Variants in SULF2 observed in about 807,000 individuals in gnomAD.
The protein encoded by SULF2 is sulfatase 2, also known as extracellular sulfatase Sulf-2.
SULF2 carries 52 observed loss-of-function variants against 107.7 expected under a neutral mutation model. That is an observed-to-expected ratio of 0.48 (90% confidence interval 0.39 to 0.61). The LOEUF is 0.61. Ranked by LOEUF, SULF2 falls within the 20% of genes least tolerant of loss-of-function variation. SULF2 has a pLI of 0.00. For synonymous variants in SULF2, 460 were observed against 464.3 expected (o/e 0.99, Z 0.12); for missense variants, 993 against 1,177.3 (o/e 0.84, Z 2.29).
At chr20:47,759,628 G>A (rs2090373316) in intron 1 of SULF2, among the ~76,000 whole-genome samples, 2 of 152,212 alleles carry the variant, frequency 1.3e-5, no homozygotes, top group Non-Finnish European at 2.9e-5. Context: ...GGAAATGGAG[G>A]TTGCAGTGAG....
In SULF2 at chr20:47,663,818, C is replaced by CT. The variant is rs1198858585; in HGVS notation, c.2058-197dup. 2.0e-5 allele frequency among the ~76,000 whole-genome samples: 3 copies of CT among 152,348 alleles called. No homozygotes were observed. In the East Asian group the frequency reaches 5.8e-4, roughly 30 times the overall value. Reference sequence around the variant, plus strand: ...CCAGAACCTGGGTCTTGTCATTCTACTTTAACTCCCAAGGGGGCACAAGCT... The same window carrying CT: ...CCAGAACCTGGGTCTTGTCATTCTACTTTTAACTCCCAAGGGGGCACAAGCT... On this transcript the variant is annotated intron_variant, in intron 15 of 20. Transcript: ENST00000688720.
At chr20:47,683,305 C>T in intron 6 of SULF2, 136 bp from the exon 7 acceptor site, 2 of 870,658 alleles carry the variant, frequency 2.3e-6, no homozygotes, top group Non-Finnish European at 3.3e-6. Flanking sequence ...TTCCCAGGGG[C>T]TGTCCCCTTT....
chr20:47,783,036 C>T (rs2090859663), intron 1 of SULF2, among the ~76,000 whole-genome samples: 1 of 152,182 alleles, frequency 6.6e-6, no homozygotes, highest in Admixed American at 6.5e-5. Context: ...AGGCAAGTCA[C>T]AATCCTCTCT....
At chr20:47,774,370 C>T (rs1194510939) in intron 1 of SULF2, among the ~76,000 whole-genome samples, 4 of 152,162 alleles carry the variant, frequency 2.6e-5, no homozygotes, top group African/African-American at 7.2e-5. Flanking sequence ...ACTGGTGAGG[C>T]GGGGTCTGGG....
intron 3 of SULF2, among the ~76,000 whole-genome samples, chr20:47,712,879 C>A (rs551500943): frequency 6.2e-4 from 94 of 152,006 alleles, no homozygotes; most frequent in African/African-American, 2.0e-3. Flanking sequence ...ACCAAAAAAC[C>A]AAAAAATTAG....
intron 2 of SULF2, among the ~76,000 whole-genome samples, chr20:47,737,855 C>T (rs1600614361): frequency 6.8e-6 from 1 of 147,814 alleles, no homozygotes; most frequent in Non-Finnish European, 1.5e-5. Context: ...CTCTGCTTCC[C>T]GGGTTCAAGC....
At chr20:47,743,268 A>C (rs570491713) in intron 2 of SULF2, among the ~76,000 whole-genome samples, 1 of 152,044 alleles carries the variant, frequency 6.6e-6, no homozygotes, top group African/African-American at 2.4e-5. Flanking sequence ...TGCCTGGACT[A>C]TTGCAGTAGG....
chr20:47,754,521 A>G (rs950653937), intron 2 of SULF2, among the ~76,000 whole-genome samples: 3 of 145,626 alleles, frequency 2.1e-5, no homozygotes, highest in Non-Finnish European at 4.6e-5. Flanking sequence ...CTGGTGGAAG[A>G]GGTCTGGCTT....
At chr20:47,676,428 C>T in intron 10 of SULF2, 66 bp downstream of exon 10, 4 of 1,557,456 alleles carry the variant, frequency 2.6e-6, no homozygotes, top group Non-Finnish European at 3.5e-6. Context: ...GCTCTCAGAG[C>T]CTCGCAGGTC....
intron 1 of SULF2, among the ~76,000 whole-genome samples, chr20:47,760,780 C>T (rs1000589888): frequency 2.0e-5 from 3 of 152,206 alleles, no homozygotes; most frequent in Non-Finnish European, 4.4e-5. Context: ...TCGATGCAGT[C>T]GTCTGACATG....
At chr20:47,733,327 C>T (rs1476129378) in intron 3 of SULF2, among the ~76,000 whole-genome samples, 1 of 152,172 alleles carries the variant, frequency 6.6e-6, no homozygotes, top group East Asian at 1.9e-4. Context: ...GCAAAAATGT[C>T]CCTAGTGAAG....
At chr20:47,737,755 G>GTTTTTTTTTTTTTTTTTTT (rs11484375) in intron 2 of SULF2, among the ~76,000 whole-genome samples, 16 of 61,830 alleles carry the variant, frequency 2.6e-4, no homozygotes, top group African/African-American at 6.9e-4. Flanking sequence ...TCTTTTCTTT[G>GTTTTTTTTTTTTTTTTTTT]TTTTTTTTTT....
At chr20:47,737,205 CTG>C (rs932369937) in intron 2 of SULF2, among the ~76,000 whole-genome samples, 1 of 152,146 alleles carries the variant, frequency 6.6e-6, no homozygotes, top group Non-Finnish European at 1.5e-5. Context: ...AGGTGAGTGA[CTG>C]TAAGTGACTG....
chr20:47,771,571 A>G (rs2090631244), intron 1 of SULF2, among the ~76,000 whole-genome samples: 1 of 152,104 alleles, frequency 6.6e-6, no homozygotes, highest in African/African-American at 2.4e-5. Flanking sequence ...AAATTTTCCA[A>G]CTCAGCCTCT....
intron 5 of SULF2, 71 bp from the exon 6 acceptor site, chr20:47,684,652 C>T (rs1381270836): frequency 6.5e-6 from 10 of 1,528,676 alleles, no homozygotes. Flanking sequence ...CCCGCCAGAC[C>T]CGCCCGGATG....
intron 2 of SULF2, among the ~76,000 whole-genome samples, chr20:47,750,860 G>T (rs949406291): frequency 3.9e-5 from 6 of 152,158 alleles, no homozygotes; most frequent in African/African-American, 1.4e-4. Flanking sequence ...CCCTCTGCCT[G>T]GAGTGCTCTT....
At chr20:47,683,642 CCGATATGGACA>C (rs1198828798) in intron 6 of SULF2, among the ~76,000 whole-genome samples, 1 of 152,226 alleles carries the variant, frequency 6.6e-6, no homozygotes, top group Non-Finnish European at 1.5e-5. Flanking sequence ...TCTGCACTGT[CCGATATGGACA>C]CATATTGGCT....
chr20:47,707,336 C>G (rs1211265695), intron 3 of SULF2, among the ~76,000 whole-genome samples: 1 of 152,068 alleles, frequency 6.6e-6, no homozygotes, highest in African/African-American at 2.4e-5. Context: ...CCCCGTGCCC[C>G]ACTTCGCCCT....
intron 2 of SULF2, among the ~76,000 whole-genome samples, chr20:47,752,704 T>A (rs13039676): frequency 0.11 from 17,129 of 151,996 alleles, 1,093 homozygotes; most frequent in South Asian, 0.23. Flanking sequence ...TGAGTAGTGA[T>A]CACACCACTG....
Sources: gnomAD v4.1 joint callset for allele counts (sites outside exome capture counted in the v4.1 genomes callset) on GRCh38, gnomAD v4.1.1 for gene constraint, MANE v1.5 for transcripts, NCBI Gene and HGNC (gene_info 2026-07-23, HGNC 2026-07-21) for gene names.